The following ZNF90 variants were observed in gnomAD, a reference collection of about 807,000 sequenced individuals.
ZNF90 encodes the protein zinc finger protein HTF9.
A neutral mutation model predicts 12.0 loss-of-function variants in ZNF90; 11 were observed. The observed-to-expected ratio is 0.92, with a 90% CI of 0.58 to 1.52. The LOEUF (loss-of-function observed/expected upper bound fraction) is 1.52. Ranked by LOEUF, ZNF90 falls within the 40% of genes most tolerant of loss-of-function variation. The probability of loss-of-function intolerance (pLI) is 0.00; values close to 1 mark genes in which losing one functional copy is unlikely to be tolerated. For synonymous variants in ZNF90, 232 were observed against 240.1 expected (o/e 0.97, Z 0.31); for missense variants, 765 against 711.5 (o/e 1.08, Z -0.86).
intron 3 of ZNF90, among the ~76,000 whole-genome samples, chr19:20,114,616 C>T (rs1472164773): frequency 1.3e-5 from 2 of 151,900 alleles, no homozygotes; most frequent in Non-Finnish European, 1.5e-5. Flanking sequence ...TTATTTTATA[C>T]TCTAATTCCG....
chr19:20,079,935 C>CT, intron 1 of ZNF90: 11 of 398,500 alleles, frequency 2.8e-5, no homozygotes, highest in East Asian at 1.4e-4. Flanking sequence ...ATCGTATTTC[C>CT]TCTTTTTTTT....
At chr19:20,099,269 G>A (rs1475093980) in intron 1 of ZNF90, among the ~76,000 whole-genome samples, 1 of 152,056 alleles carries the variant, frequency 6.6e-6, no homozygotes, top group African/African-American at 2.4e-5. Context: ...TGCCACCAGG[G>A]TTCAAGCGAT....
Position 20,104,313 on chromosome 19 carries a change from G to A in ZNF90, c.78G>A (p.Gln26=). The change falls in exon 2 of 4, where the codon CAG becomes CAA. Residue 26 remains glutamine, a synonymous_variant. Transcript: ENST00000418063. ...GGCATTGCCTGGACACTGCACAGCA[G>A]AATTTATATAGGGATGTGATGTTAG... ...EEWHCLDTAQ[Q]NLYRDVMLEN... 1 of 1,614,062 alleles carries A rather than the reference G, an allele frequency of 6.2e-7. No individual in the cohort carries two copies. The highest frequency in any genetic ancestry group is 2.2e-5 in the East Asian group (1 of 44,864).
intron 1 of ZNF90, chr19:20,080,400 C>T (rs750229480): frequency 2.0e-5 from 8 of 408,284 alleles, no homozygotes; most frequent in South Asian, 4.4e-5. Context: ...TCCCCACAAA[C>T]GGACTGTGTG....
chr19:20,080,196 G>T, intron 1 of ZNF90: 1 of 533,826 alleles, frequency 1.9e-6, no homozygotes, highest in South Asian at 1.5e-5. Flanking sequence ...GCACATAATG[G>T]GACTAGTACC....
Position 20,091,294 on chromosome 19 carries a change from A to G in ZNF90, c.4-12945A>G, listed in dbSNP as rs375245577. Among the ~76,000 whole-genome samples the G allele has an allele frequency of 4.0e-3, 604 of 152,264 alleles. 6 individuals are homozygous for G. Among genetic ancestry groups the G allele is most frequent in the Middle Eastern group, 0.017 (5 of 294 alleles). On this transcript the variant is annotated intron_variant, in intron 1 of 3. Transcript: ENST00000418063. ...GAGGGGTAGTAGAATAGCAGATGGA[A>G]CACTGAGAAGTGATCTCCTTGAGGA...
Position 20,118,088 on chromosome 19 carries a change from T to C in ZNF90, c.534T>C (p.Cys178=). 2 of 1,613,706 alleles carry C rather than the reference T, an allele frequency of 1.2e-6. No homozygotes were observed. The highest frequency in any genetic ancestry group is 8.5e-7 in the Non-Finnish European group (1 of 1,179,774). The change falls in exon 4 of 4, where the codon TGT becomes TGC. Residue 178 remains cysteine, a synonymous_variant. Transcript: ENST00000418063. ...TGKKPFKCIE[C]GKAFNQSSTL... ...AAAAACCTTTCAAATGTATAGAATG[T>C]GGCAAAGCTTTCAACCAGTCCTCAA...
intron 3 of ZNF90, among the ~76,000 whole-genome samples, chr19:20,117,082 C>T (rs1475832687): frequency 2.7e-5 from 4 of 148,290 alleles, no homozygotes; most frequent in African/African-American, 1.0e-4. Context: ...TCATTCTGTT[C>T]CCTATGCTGA....
At chr19:20,089,085 GAGA>G (rs782077638) in intron 1 of ZNF90, among the ~76,000 whole-genome samples, 30 of 151,892 alleles carry the variant, frequency 2.0e-4, no homozygotes, top group Non-Finnish European at 4.0e-4. Flanking sequence ...GTAAAAAGAT[GAGA>G]AGGAGTGCTG....
chr19:20,091,664 C>T (rs1026768952), intron 1 of ZNF90, among the ~76,000 whole-genome samples: 1 of 152,120 alleles, frequency 6.6e-6, no homozygotes, highest in Admixed American at 6.5e-5. Context: ...GTGAATGACC[C>T]CAGCTTCTTT....
chr19:20,093,967 C>T (rs777915513), intron 1 of ZNF90, among the ~76,000 whole-genome samples: 11 of 152,168 alleles, frequency 7.2e-5, no homozygotes, highest in South Asian at 2.1e-4. Flanking sequence ...GAGTGGCTGC[C>T]GGGTGAGCTG....
In ZNF90 at chr19:20,106,270, A is replaced by G. The variant is rs191209469; in HGVS notation, c.226+954A>G. 2.0e-5 allele frequency among the ~76,000 whole-genome samples: 3 copies of G among 152,156 alleles called. No individual in the cohort carries two copies. In the East Asian group the frequency reaches 5.8e-4, roughly 29 times the overall value. On this transcript the variant is annotated intron_variant, in intron 3 of 3. Transcript: ENST00000418063. ...TTTTACTCTGTTTATGATTTTTAAAATATAAGATTGTATGATCTAGAAACA... is the reference window on the plus strand; with the variant it reads ...TTTTACTCTGTTTATGATTTTTAAAGTATAAGATTGTATGATCTAGAAACA...
rs2089053245 is a variant in ZNF90 at position 20,107,857 on chromosome 19, GATAA to G, written c.226+2546_226+2549del. 2.0e-5 allele frequency among the ~76,000 whole-genome samples: 3 copies of G among 152,084 alleles called. No homozygotes were observed. In the South Asian group the frequency reaches 6.2e-4, roughly 32 times the overall value. On this transcript the variant is annotated intron_variant, in intron 3 of 3. Transcript: ENST00000418063. The stretch of plus-strand genomic sequence containing the variant: ...GGGCACCCAATATTTAACTAAATAT[GATAA>G]ATAACTAAAATAGTTACTTATAAAT...
intron 1 of ZNF90, among the ~76,000 whole-genome samples, chr19:20,091,375 G>C (rs1439366002): frequency 1.3e-5 from 2 of 152,178 alleles, no homozygotes; most frequent in African/African-American, 2.4e-5. Flanking sequence ...CTAGCGGCTT[G>C]TAACCTACAT....
rs2089177294 is a variant in ZNF90, at chr19:20,119,456, A to T, written c.*96A>T. The T allele has an allele frequency of 2.0e-6, 2 of 977,822 alleles. No individual in the cohort carries two copies. Among genetic ancestry groups the T allele is most frequent in the Non-Finnish European group, 3.0e-6 (2 of 670,264 alleles). The allele number at this position is 977,822 out of a possible 1,614,324, so 60.6% of individuals were successfully genotyped here. ...TTGGAAAGCCTTTGACCACCCCTCT[A>T]CTCTTACTAAATATGAGAATTTATA... On this transcript the variant is annotated 3_prime_UTR_variant, in exon 4 of 4. Transcript: ENST00000418063.
intron 3 of ZNF90, among the ~76,000 whole-genome samples, chr19:20,110,683 T>C (rs2089081335): frequency 1.3e-5 from 2 of 152,220 alleles, no homozygotes; most frequent in South Asian, 4.1e-4. Context: ...TATTGCATCA[T>C]CAAGAGATTC....
intron 1 of ZNF90, among the ~76,000 whole-genome samples, chr19:20,088,052 TCTTCAGTTA>T (rs1422801664): frequency 6.6e-6 from 1 of 152,200 alleles, no homozygotes; most frequent in African/African-American, 2.4e-5. Context: ...CTTTTGTGAT[TCTTCAGTTA>T]CTTCAGACCA....
At chr19:20,088,273 C>CTT (rs2088876082) in intron 1 of ZNF90, among the ~76,000 whole-genome samples, 3 of 149,334 alleles carry the variant, frequency 2.0e-5, no homozygotes, top group African/African-American at 7.4e-5. Context: ...ATTGGGGGGG[C>CTT]GTGGGAACCT....
chr19:20,110,404 T>G (rs782031928), intron 3 of ZNF90, among the ~76,000 whole-genome samples: 4 of 152,042 alleles, frequency 2.6e-5, no homozygotes, highest in African/African-American at 7.2e-5. Context: ...TCAGCCTCCC[T>G]AGTAACTGGG....
Sources: gnomAD v4.1 joint callset for allele counts (sites outside exome capture counted in the v4.1 genomes callset) on GRCh38, gnomAD v4.1.1 for gene constraint, MANE v1.5 for transcripts, NCBI Gene and HGNC (gene_info 2026-07-23, HGNC 2026-07-21) for gene names.